RBFOX1: variants seen among roughly 807,000 people sequenced by gnomAD.
RBFOX1 encodes the protein RNA binding fox-1 homolog 1.
In RBFOX1, 8 loss-of-function variants were observed where a neutral mutation model predicts 57.7. The observed-to-expected ratio is 0.14, with a 90% CI of 0.08 to 0.25. The LOEUF is 0.25. Ranked by LOEUF, RBFOX1 falls within the 10% of genes least tolerant of loss-of-function variation. RBFOX1 has a pLI of 1.00. For synonymous variants in RBFOX1, 326 were observed against 222.4 expected, an observed-to-expected ratio of 1.47 and a Z score of -4.15; for missense variants, 611 against 548.5, an observed-to-expected ratio of 1.11 and a Z score of -1.14.
At chr16:6,663,610 C>G (rs1027689534) in intron 3 of RBFOX1, among the ~76,000 whole-genome samples, 14 of 152,312 alleles carry the variant, frequency 9.2e-5, no homozygotes, top group Non-Finnish European at 1.6e-4. Context: ...AGGGCAGAGG[C>G]TGCTGTGAGC....
intron 2 of RBFOX1, among the ~76,000 whole-genome samples, chr16:5,561,940 C>T (rs766378971): frequency 2.6e-5 from 4 of 152,198 alleles, no homozygotes; most frequent in Non-Finnish European, 5.9e-5. Flanking sequence ...TTTCGAGGGC[C>T]TCTTTTCCCC....
At chr16:7,312,891 C>T (rs1203567698) in intron 4 of RBFOX1, among the ~76,000 whole-genome samples, 1 of 110,006 alleles carries the variant, frequency 9.1e-6, no homozygotes, top group African/African-American at 3.5e-5. Flanking sequence ...CCAGGAGAGT[C>T]TGGGAGAGTC....
intron 3 of RBFOX1, among the ~76,000 whole-genome samples, chr16:5,619,311 C>T (rs1332988863): frequency 5.9e-5 from 9 of 152,112 alleles, no homozygotes; most frequent in East Asian, 5.8e-4. Context: ...GACCCTGGAA[C>T]GGAGGGCCTG....
At chr16:6,428,777 T>C (rs1222942038) in intron 2 of RBFOX1, among the ~76,000 whole-genome samples, 2 of 152,250 alleles carry the variant, frequency 1.3e-5, no homozygotes, top group African/African-American at 4.8e-5. Context: ...ATCATTTTTA[T>C]TCTATATAAT....
chr16:7,369,290 G>C (rs904563589), intron 4 of RBFOX1, among the ~76,000 whole-genome samples: 2 of 152,006 alleles, frequency 1.3e-5, no homozygotes, highest in Admixed American at 6.6e-5. Flanking sequence ...ATGTCTTCCA[G>C]AGGAAGCTCA....
At chr16:6,993,157 T>G (rs2091772485) in intron 3 of RBFOX1, among the ~76,000 whole-genome samples, 1 of 152,204 alleles carries the variant, frequency 6.6e-6, no homozygotes, top group Non-Finnish European at 1.5e-5. Flanking sequence ...CTGACTTTCT[T>G]TTCTTTGTCT....
chr16:7,304,994 C>T (rs1234941819), intron 4 of RBFOX1, among the ~76,000 whole-genome samples: 1 of 149,596 alleles, frequency 6.7e-6, no homozygotes, highest in Non-Finnish European at 1.5e-5. Flanking sequence ...ATTCGGTCCG[C>T]ATGGGATCGC....
chr16:6,951,773 G>A (rs9923376), intron 3 of RBFOX1, among the ~76,000 whole-genome samples: 22,025 of 151,658 alleles, frequency 0.15, 1,946 homozygotes, highest in Non-Finnish European at 0.19. Flanking sequence ...TCGCTCTTTC[G>A]CCCAGACTGG....
At chr16:6,876,648 C>T (rs1268228455) in intron 3 of RBFOX1, among the ~76,000 whole-genome samples, 4 of 151,838 alleles carry the variant, frequency 2.6e-5, no homozygotes, top group African/African-American at 9.7e-5. Flanking sequence ...TCTAAGAGTA[C>T]ATTTCTCACC....
chr16:6,551,280 C>A (rs2096984704), intron 2 of RBFOX1, among the ~76,000 whole-genome samples: 1 of 152,092 alleles, frequency 6.6e-6, no homozygotes, highest in Admixed American at 6.5e-5. Flanking sequence ...TGACTGCTGC[C>A]CTCATGGTTG....
chr16:6,923,399 G>A (rs1256519559), intron 3 of RBFOX1, among the ~76,000 whole-genome samples: 1 of 152,146 alleles, frequency 6.6e-6, no homozygotes, highest in Non-Finnish European at 1.5e-5. Flanking sequence ...CAGGCATGGT[G>A]GGGAACACTT....
At chr16:7,314,230 A>G (rs2096387054) in intron 4 of RBFOX1, among the ~76,000 whole-genome samples, 1 of 152,130 alleles carries the variant, frequency 6.6e-6, no homozygotes, top group Non-Finnish European at 1.5e-5. Context: ...GGAGCTCTCC[A>G]ACTAACAGAG....
chr16:7,624,980 A>G (rs891379522), intron 10 of RBFOX1, among the ~76,000 whole-genome samples: 1 of 152,170 alleles, frequency 6.6e-6, no homozygotes, highest in Non-Finnish European at 1.5e-5. Flanking sequence ...CCCCATACAG[A>G]GACCGGAGAG....
intron 3 of RBFOX1, among the ~76,000 whole-genome samples, chr16:5,611,754 C>A (rs1379105661): frequency 2.3e-5 from 3 of 130,376 alleles, no homozygotes; most frequent in Non-Finnish European, 4.9e-5. Flanking sequence ...ATCCATTCAC[C>A]CTTCTTTTCA....
intron 3 of RBFOX1, among the ~76,000 whole-genome samples, chr16:6,953,476 C>G (rs2081174719): frequency 6.6e-6 from 1 of 152,076 alleles, no homozygotes; most frequent in African/African-American, 2.4e-5. Context: ...ACCTCCACCT[C>G]CTGGGTTCAA....
At chr16:5,287,091 G>A (rs2063413673) in intron 1 of RBFOX1, among the ~76,000 whole-genome samples, 1 of 152,180 alleles carries the variant, frequency 6.6e-6, no homozygotes, top group African/African-American at 2.4e-5. Flanking sequence ...GACGGCTTGA[G>A]GCCAGGAGTT....
chr16:7,003,006 C>G (rs1157828735), intron 3 of RBFOX1, among the ~76,000 whole-genome samples: 1 of 150,694 alleles, frequency 6.6e-6, no homozygotes, highest in Admixed American at 6.6e-5. Flanking sequence ...ATGAGTGGAT[C>G]TTGGTGGTCT....
At chr16:6,316,960 T>A (rs564933357) in intron 1 of RBFOX1, 35 bp from the exon 2 acceptor site, 92 of 1,519,736 alleles carry the variant, frequency 6.1e-5, no homozygotes, top group Admixed American at 1.4e-4. Context: ...AATACATTTC[T>A]TGATACTAAA....
chr16:6,636,862 ATATAT>A (rs1178219200), intron 2 of RBFOX1, among the ~76,000 whole-genome samples: 112 of 128,560 alleles, frequency 8.7e-4, no homozygotes, highest in Non-Finnish European at 1.4e-3. Context: ...AATATATAAT[ATATAT>A]TATATGTTTA....
Sources: gnomAD v4.1 joint callset for allele counts (sites outside exome capture counted in the v4.1 genomes callset) on GRCh38, gnomAD v4.1.1 for gene constraint, MANE v1.5 for transcripts, NCBI Gene and HGNC (gene_info 2026-07-23, HGNC 2026-07-21) for gene names.